ROBO1: variants seen among roughly 807,000 people sequenced by gnomAD.
The protein encoded by ROBO1 is roundabout guidance receptor 1, also known as roundabout homolog 1.
A neutral mutation model predicts 195.9 loss-of-function variants in ROBO1; 149 were observed. The observed-to-expected ratio is 0.76, with a 90% CI of 0.67 to 0.87. The LOEUF is 0.87. Among genes scored for constraint, ROBO1 ranks in the 40% least tolerant of loss-of-function variants. The probability of loss-of-function intolerance (pLI) is 0.00; values close to 1 mark genes in which losing one functional copy is unlikely to be tolerated. For synonymous variants in ROBO1, 816 were observed against 733.2 expected (o/e 1.11, Z -1.82); for missense variants, 1,933 against 2,068.3 (o/e 0.93, Z 1.27).
intron 8 of ROBO1, among the ~76,000 whole-genome samples, chr3:78,702,187 C>T (rs758106240): frequency 1.3e-5 from 2 of 152,090 alleles, no homozygotes; most frequent in Admixed American, 6.6e-5. Flanking sequence ...TAAAACGATT[C>T]GCCAGTCTAA....
At chr3:79,195,338 A>T (rs2108764945) in intron 2 of ROBO1, among the ~76,000 whole-genome samples, 1 of 151,794 alleles carries the variant, frequency 6.6e-6, no homozygotes, top group South Asian at 2.1e-4. Flanking sequence ...AATTCCTGTT[A>T]CTAGGGTTGT....
intron 5 of ROBO1, among the ~76,000 whole-genome samples, chr3:78,737,039 C>T (rs1024896362): frequency 2.0e-5 from 3 of 152,122 alleles, no homozygotes; most frequent in African/African-American, 4.8e-5. Flanking sequence ...ACCTTTAGGG[C>T]ATTAGGACAG....
chr3:79,527,955 T>C (rs1254776192), intron 2 of ROBO1: 1 of 152,298 alleles, frequency 6.6e-6, no homozygotes, highest in African/African-American at 2.4e-5. Context: ...CTCTACAAGG[T>C]GTGTGTGAAT....
intron 2 of ROBO1, among the ~76,000 whole-genome samples, chr3:79,265,859 T>A (rs994713280): frequency 3.3e-5 from 5 of 151,420 alleles, no homozygotes; most frequent in African/African-American, 4.8e-5. Context: ...AAAACTGTTA[T>A]ACGACCCAAT....
At chr3:78,850,061 G>A (rs1380627393) in intron 4 of ROBO1, among the ~76,000 whole-genome samples, 1 of 152,138 alleles carries the variant, frequency 6.6e-6, no homozygotes, top group African/African-American at 2.4e-5. Flanking sequence ...GTACAGGTCT[G>A]TGGCCTAGAG....
At chr3:79,652,683 ATAG>A (rs773303901) in intron 1 of ROBO1, among the ~76,000 whole-genome samples, 1 of 152,168 alleles carries the variant, frequency 6.6e-6, no homozygotes, top group Admixed American at 6.6e-5. Flanking sequence ...AGTGATATTA[ATAG>A]TAGTGGTGGT....
chr3:79,331,864 C>T (rs2034452324), intron 2 of ROBO1, among the ~76,000 whole-genome samples: 1 of 152,094 alleles, frequency 6.6e-6, no homozygotes, highest in African/African-American at 2.4e-5. Context: ...GACTTTAGGT[C>T]GGGCGCGGTG....
At chr3:79,075,068 C>G (rs1576643525) in intron 3 of ROBO1, among the ~76,000 whole-genome samples, 2 of 151,650 alleles carry the variant, frequency 1.3e-5, no homozygotes, top group Admixed American at 6.6e-5. Context: ...TGCTAGTAAC[C>G]AAGGAAGAAG....
At chr3:78,626,479 T>C (rs947060862) in intron 26 of ROBO1, among the ~76,000 whole-genome samples, 21 of 152,192 alleles carry the variant, frequency 1.4e-4, no homozygotes, top group African/African-American at 5.1e-4. Context: ...TTGTTATTCA[T>C]TCGAGAATAT....
chr3:79,718,198 A>G (rs926853628), intron 1 of ROBO1, among the ~76,000 whole-genome samples: 3 of 151,994 alleles, frequency 2.0e-5, no homozygotes, highest in Non-Finnish European at 2.9e-5. Flanking sequence ...AATATTAAGA[A>G]AACTGTCTTT....
intron 2 of ROBO1, among the ~76,000 whole-genome samples, chr3:79,451,225 C>A (rs558896353): frequency 8.6e-5 from 13 of 151,926 alleles, no homozygotes; most frequent in Non-Finnish European, 1.8e-4. Flanking sequence ...TATTTATAAT[C>A]ATTTAAAATG....
chr3:79,591,498 G>T (rs34115188), intron 1 of ROBO1, among the ~76,000 whole-genome samples: 11,496 of 151,802 alleles, frequency 0.076, 489 homozygotes, highest in South Asian at 0.14. Context: ...TTGCCTCAAA[G>T]AATATACTTG....
chr3:79,288,884 G>C (rs1576927050), intron 2 of ROBO1, among the ~76,000 whole-genome samples: 1 of 151,836 alleles, frequency 6.6e-6, no homozygotes, highest in East Asian at 1.9e-4. Context: ...CATTTGTATA[G>C]TAGAATCATC....
At chr3:78,658,588 C>T (rs1707183691) in intron 17 of ROBO1, among the ~76,000 whole-genome samples, 1 of 152,204 alleles carries the variant, frequency 6.6e-6, no homozygotes, top group Non-Finnish European at 1.5e-5. Flanking sequence ...AACTGACATA[C>T]TCTATATTCC....
At chr3:78,796,571 C>A (rs2084191008) in intron 4 of ROBO1, among the ~76,000 whole-genome samples, 1 of 151,046 alleles carries the variant, frequency 6.6e-6, no homozygotes, top group African/African-American at 2.4e-5. Context: ...CATTTTCACC[C>A]TCCTCTACTA....
chr3:78,637,404 C>T (rs545503911), intron 22 of ROBO1, among the ~76,000 whole-genome samples: 7 of 152,168 alleles, frequency 4.6e-5, no homozygotes, highest in Middle Eastern at 3.4e-3. Context: ...CATTTTGTTT[C>T]GCCAATCTGT....
chr3:79,368,266 G>GT (rs1217039905), intron 2 of ROBO1, among the ~76,000 whole-genome samples: 1 of 152,098 alleles, frequency 6.6e-6, no homozygotes, highest in African/African-American at 2.4e-5. Flanking sequence ...ACCAGATAGT[G>GT]TTTTTTACAG....
intron 2 of ROBO1, among the ~76,000 whole-genome samples, chr3:79,352,885 T>C (rs767607935): frequency 6.6e-6 from 1 of 152,166 alleles, no homozygotes; most frequent in Non-Finnish European, 1.5e-5. Flanking sequence ...TATATATATA[T>C]ACACTCATTT....
intron 2 of ROBO1, among the ~76,000 whole-genome samples, chr3:79,573,479 T>G (rs954347990): frequency 6.6e-6 from 1 of 152,206 alleles, no homozygotes; most frequent in East Asian, 1.9e-4. Context: ...CAGTCTTCAA[T>G]TATATTTATT....
Sources: allele counts gnomAD v4.1 joint callset (sites outside exome capture counted in the v4.1 genomes callset), GRCh38; gene constraint gnomAD v4.1.1; transcripts MANE v1.5; gene names NCBI Gene and HGNC (gene_info 2026-07-23, HGNC 2026-07-21).